FNDC3B: variants seen among roughly 807,000 people sequenced by gnomAD.
FNDC3B encodes the protein fibronectin type III domain containing 3B.
In FNDC3B, 12 loss-of-function variants were observed where a neutral mutation model predicts 151.5. That is an observed-to-expected ratio of 0.08 (90% CI 0.05 to 0.13). The LOEUF (loss-of-function observed/expected upper bound fraction) is 0.13, where lower values mean the gene tolerates loss of function less well. FNDC3B is among the 10% of genes least tolerant of loss of function. The probability of loss-of-function intolerance (pLI) is 1.00; values close to 1 mark genes in which losing one functional copy is unlikely to be tolerated. For synonymous variants in FNDC3B, 528 were observed against 549.0 expected, an observed-to-expected ratio of 0.96 and a Z score of 0.54; for missense variants, 1,214 against 1,505.3, an observed-to-expected ratio of 0.81 and a Z score of 3.20.
At chr3:172,065,091 T>C (rs559653908) in intron 1 of FNDC3B, among the ~76,000 whole-genome samples, 1 of 152,332 alleles carries the variant, frequency 6.6e-6, no homozygotes, top group East Asian at 1.9e-4. Context: ...CCCAGCACTT[T>C]GGGAGTCTGA....
intron 3 of FNDC3B, among the ~76,000 whole-genome samples, chr3:172,224,718 G>C (rs921428509): frequency 6.7e-6 from 1 of 148,548 alleles, no homozygotes; most frequent in African/African-American, 2.6e-5. Flanking sequence ...ACCAAATAAA[G>C]TGTTGTATTT....
At chr3:172,254,235 A>G (rs1046458117) in intron 6 of FNDC3B, among the ~76,000 whole-genome samples, 20 of 152,166 alleles carry the variant, frequency 1.3e-4, no homozygotes, top group Non-Finnish European at 2.9e-5. Context: ...GGATACCTTA[A>G]TTTCTCTCTT....
chr3:172,245,614 A>G (rs1044498870), intron 4 of FNDC3B, among the ~76,000 whole-genome samples: 3 of 152,196 alleles, frequency 2.0e-5, no homozygotes, highest in African/African-American at 4.8e-5. Flanking sequence ...ATGCAGCTCT[A>G]TGTTTTAGAC....
chr3:172,287,848 G>A (rs1170937146), intron 7 of FNDC3B, among the ~76,000 whole-genome samples: 1 of 152,208 alleles, frequency 6.6e-6, no homozygotes, highest in Non-Finnish European at 1.5e-5. Context: ...TTAGGGCAGG[G>A]TAATAGGCTT....
At chr3:172,077,983 T>C (rs535752634) in intron 1 of FNDC3B, among the ~76,000 whole-genome samples, 4 of 152,272 alleles carry the variant, frequency 2.6e-5, no homozygotes, top group African/African-American at 9.6e-5. Flanking sequence ...TATTTCTATT[T>C]ATTATTATTA....
chr3:172,061,484 G>A lies in FNDC3B; in HGVS notation c.-29+21713G>A, dbSNP rs1034971061. Among the ~76,000 whole-genome samples the A allele has an allele frequency of 5.9e-5, 9 of 151,842 alleles. 1 individual carries two copies. The highest frequency in any genetic ancestry group is 1.3e-4 in the Non-Finnish European group (9 of 67,960). ...CCTGACCTCGTGATCCTCCCGCCTC[G>A]GCCTCCCAAAGTGCTGGGATTACAG... On this transcript the variant is annotated intron_variant, in intron 1 of 25. Transcript: ENST00000415807.
intron 3 of FNDC3B, among the ~76,000 whole-genome samples, chr3:172,201,726 T>C (rs756270410): frequency 7.2e-5 from 11 of 152,156 alleles, no homozygotes; most frequent in Admixed American, 3.3e-4. Context: ...TGGCAGCTGT[T>C]TAGTGGATAT....
chr3:172,140,948 T>G (rs901476621), intron 3 of FNDC3B, among the ~76,000 whole-genome samples: 1 of 152,226 alleles, frequency 6.6e-6, no homozygotes, highest in African/African-American at 2.4e-5. Context: ...GAATTGGTGT[T>G]GAGTTCTCAG....
chr3:172,315,663 T>C (rs1731743579), intron 11 of FNDC3B, among the ~76,000 whole-genome samples: 2 of 152,210 alleles, frequency 1.3e-5, no homozygotes, highest in Non-Finnish European at 2.9e-5. Flanking sequence ...GAACGTTAGA[T>C]GAGTCACATC....
intron 3 of FNDC3B, among the ~76,000 whole-genome samples, chr3:172,199,880 C>T (rs1365006999): frequency 6.6e-6 from 1 of 152,194 alleles, no homozygotes; most frequent in Non-Finnish European, 1.5e-5. Context: ...TGAGGAACAT[C>T]TCCTGCCACC....
chr3:172,179,168 T>A (rs1451125276), intron 3 of FNDC3B, among the ~76,000 whole-genome samples: 1 of 152,092 alleles, frequency 6.6e-6, no homozygotes, highest in Non-Finnish European at 1.5e-5. Flanking sequence ...TTCAAGCGAT[T>A]CTCCTGCCTC....
chr3:172,136,731 T>A (rs999187660), intron 3 of FNDC3B, among the ~76,000 whole-genome samples: 6 of 152,168 alleles, frequency 3.9e-5, no homozygotes, highest in Non-Finnish European at 8.8e-5. Context: ...TGTTTGTTTT[T>A]TGTTTTGAGA....
intron 22 of FNDC3B, among the ~76,000 whole-genome samples, chr3:172,355,686 C>T (rs1734062248): frequency 6.6e-6 from 1 of 152,170 alleles, no homozygotes; most frequent in African/African-American, 2.4e-5. Flanking sequence ...ACCTGTAGGC[C>T]GCAATTGGCC....
At chr3:172,186,002 T>C (rs760029528) in intron 3 of FNDC3B, among the ~76,000 whole-genome samples, 13 of 152,170 alleles carry the variant, frequency 8.5e-5, no homozygotes, top group Non-Finnish European at 1.9e-4. Context: ...GTTAATATAA[T>C]TGGCAAAAAG....
chr3:172,377,697 C>T (rs1450305520), intron 23 of FNDC3B, among the ~76,000 whole-genome samples: 2 of 152,102 alleles, frequency 1.3e-5, no homozygotes, highest in South Asian at 2.1e-4. Flanking sequence ...CTGAACACAG[C>T]ATTTTTTTTT....
At chr3:172,105,831 T>C (rs989391895) in intron 1 of FNDC3B, among the ~76,000 whole-genome samples, 1 of 151,828 alleles carries the variant, frequency 6.6e-6, no homozygotes, top group Non-Finnish European at 1.5e-5. Flanking sequence ...CAGTGGGTAT[T>C]TTTAGTAGAG....
intron 1 of FNDC3B, among the ~76,000 whole-genome samples, chr3:172,075,735 ACACACACACAC>A (rs1717977573): frequency 2.1e-5 from 1 of 47,894 alleles, no homozygotes; most frequent in Non-Finnish European, 6.7e-5. Context: ...ACACACACAC[ACACACACACAC>A]ACACACACAC....
chr3:172,349,442 A>G (rs1342118419), intron 21 of FNDC3B, among the ~76,000 whole-genome samples: 1 of 152,220 alleles, frequency 6.6e-6, no homozygotes, highest in Non-Finnish European at 1.5e-5. Flanking sequence ...TATTATAGGC[A>G]TACTATTATT....
In FNDC3B at chr3:172,333,077, T is replaced by G; in HGVS notation, c.1555-12T>G. 6.3e-7 allele frequency: 1 copy of G among 1,578,030 alleles called. No individual in the cohort carries two copies. Among genetic ancestry groups the G allele is most frequent in the Non-Finnish European group, 8.7e-7 (1 of 1,147,106 alleles). ...TTTATACTGATGTTTCTTCCTGGCT[T>G]TGCCTTTTCAGGATAACCTTTTCCA... is the stretch of plus-strand genomic sequence containing the variant. On this transcript the variant is annotated splice_polypyrimidine_tract_variant and intron_variant, in intron 13 of 25. Transcript: ENST00000415807.
Sources: gnomAD v4.1 joint callset for allele counts (sites outside exome capture counted in the v4.1 genomes callset) on GRCh38, gnomAD v4.1.1 for gene constraint, MANE v1.5 for transcripts, NCBI Gene and HGNC (gene_info 2026-07-23, HGNC 2026-07-21) for gene names.